The following ZFC3H1 variants were observed in gnomAD, a reference collection of about 807,000 sequenced individuals.
ZFC3H1 encodes zinc finger C3H1-type containing.
Under a neutral mutation model 243.7 loss-of-function variants are expected in ZFC3H1, and 71 were observed. That is an observed-to-expected ratio of 0.29 (90% confidence interval 0.24 to 0.36). The LOEUF (loss-of-function observed/expected upper bound fraction) is 0.36, where lower values mean the gene tolerates loss of function less well. Ranked by LOEUF, ZFC3H1 falls within the 10% of genes least tolerant of loss-of-function variation. ZFC3H1 has a pLI of 1.00. For synonymous variants in ZFC3H1, 838 were observed against 813.0 expected, an observed-to-expected ratio of 1.03 and a Z score of -0.52; for missense variants, 1,966 against 2,317.1, an observed-to-expected ratio of 0.85 and a Z score of 3.11.
Position 71,625,965 on chromosome 12 carries a change from CTG to C in ZFC3H1, c.4317+293_4317+294del, listed in dbSNP as rs200889164. Among the ~76,000 whole-genome samples, 737 of 152,194 alleles carry C rather than the reference CTG, an allele frequency of 4.8e-3. 3 individuals carry two copies. Among genetic ancestry groups the C allele is most frequent in the Middle Eastern group, 0.01 (3 of 294 alleles). The stretch of plus-strand genomic sequence containing the variant: ...ACACTTAACTTTGCCCAAACTAAAA[CTG>C]TGTAAAAATAGGTAAGTGTGAAATT... On this transcript the variant is annotated intron_variant, in intron 22 of 34. Coordinates refer to ENST00000378743, the MANE Select transcript of ZFC3H1 (RefSeq NM_144982.5).
chr12:71,657,279 T>C lies in ZFC3H1; in HGVS notation c.621A>G (p.Pro207=). 3.2e-6 allele frequency: 5 copies of C among 1,555,494 alleles called. No homozygotes were observed. Among genetic ancestry groups the C allele is most frequent in the Admixed American group, 2.0e-5 (1 of 49,184 alleles). The change falls in exon 2 of 35, where the codon CCA becomes CCG. Residue 207 remains proline, a synonymous_variant. Coordinates refer to ENST00000378743, the MANE Select transcript of ZFC3H1 (RefSeq NM_144982.5). ...TTGATGAATAATTTTGTTTTCTTGA[T>C]GGAGACCTTCCAAAACTTTTGGCTG... ...RKSSKSFGRS[P]SRKQNYSSKN... is the part of the protein sequence containing the mutation.
rs1210100396 is a variant in ZFC3H1, at chr12:71,657,008, C to T, written c.892G>A (p.Ala298Thr). Residue 298 changes from alanine (A) to threonine (T), a missense_variant, in exon 2 of 35, where the codon GCA becomes ACA. Physicochemically the swap from Ala to Thr is moderately conservative, Grantham distance 58. Around this residue, in one of 4 missense-constraint regions of ZFC3H1, gnomAD observed 484 missense variants for 449.7 expected, o/e 1.08. Coordinates refer to ENST00000378743, the MANE Select transcript of ZFC3H1 (RefSeq NM_144982.5). ...TGCCTGAGTGGTTTTAATTCAAATG[C>T]CTGAAAAGTTTTGACTTGTGTTTTC... ...EEKTQVKTFQAFELKPLRQKL... is the reference protein window; with the variant it reads ...EEKTQVKTFQTFELKPLRQKL... The T allele has an allele frequency of 5.6e-6, 9 of 1,613,802 alleles. No homozygotes were observed. Among genetic ancestry groups the T allele is most frequent in the Non-Finnish European group, 7.6e-6 (9 of 1,179,918 alleles).
chr12:71,641,054 C>T (rs1467180021), intron 6 of ZFC3H1, among the ~76,000 whole-genome samples: 2 of 151,886 alleles, frequency 1.3e-5, no homozygotes, highest in East Asian at 3.9e-4. Context: ...CCGCAGTTAA[C>T]GTGGCAAAAA....
intron 23 of ZFC3H1, 103 bp downstream of exon 23, chr12:71,624,001 C>A: frequency 8.2e-7 from 1 of 1,217,936 alleles, no homozygotes; most frequent in Non-Finnish European, 1.1e-6. Context: ...GGATTCAAAT[C>A]CAAATCTTGT....
In ZFC3H1 at chr12:71,642,029, T is replaced by C. The variant is rs146587328; in HGVS notation, c.1627+407A>G. Among the ~76,000 whole-genome samples the C allele has an allele frequency of 4.7e-3, 711 of 152,240 alleles. 1 individual carries two copies. Among genetic ancestry groups the C allele is most frequent in the African/African-American group, 0.016 (676 of 41,522 alleles). On this transcript the variant is annotated intron_variant, in intron 6 of 34. Transcript: ENST00000378743. ...CACACCCAGCGAATTTTTGTATTTT[T>C]AGTAGAGACAGGGTTTCGCCATGTC...
At chr12:71,623,967 A>T in intron 23 of ZFC3H1, 137 bp downstream of exon 23, 2 of 858,330 alleles carry the variant, frequency 2.3e-6, no homozygotes, top group South Asian at 4.1e-5. Context: ...ATGTCACATG[A>T]CTTACTAGTA....
intron 2 of ZFC3H1, among the ~76,000 whole-genome samples, chr12:71,650,783 C>T (rs1245678845): frequency 6.6e-6 from 1 of 152,058 alleles, no homozygotes; most frequent in Non-Finnish European, 1.5e-5. Context: ...AGAGTGATGC[C>T]TTAAAAATAT....
chr12:71,614,348 G>A (rs924610289), intron 30 of ZFC3H1, among the ~76,000 whole-genome samples, 187 bp downstream of exon 30: 3 of 151,794 alleles, frequency 2.0e-5, no homozygotes, highest in African/African-American at 7.3e-5. Flanking sequence ...CATTTTAATT[G>A]TGCCTTAAAG....
intron 33 of ZFC3H1, 88 bp from the exon 34 acceptor site, chr12:71,610,845 C>A: frequency 6.8e-7 from 1 of 1,465,550 alleles, no homozygotes; most frequent in South Asian, 1.2e-5. Flanking sequence ...TGGTAATTCA[C>A]AATAACATCT....
intron 20 of ZFC3H1, 118 bp downstream of exon 20, chr12:71,628,800 T>A (rs943300626): frequency 1.0e-5 from 12 of 1,164,702 alleles, no homozygotes; most frequent in South Asian, 9.8e-5. Flanking sequence ...GCATCGTTTT[T>A]AAAAAAAATT....
At chr12:71,642,391 T>C in intron 6 of ZFC3H1, 45 bp downstream of exon 6, 5 of 1,581,128 alleles carry the variant, frequency 3.2e-6, no homozygotes, top group South Asian at 1.2e-5. Flanking sequence ...CTATTCTCTA[T>C]TTAATACATG....
In ZFC3H1 at chr12:71,610,465, T is replaced by A; in HGVS notation, c.5933A>T (p.Asn1978Ile). ...GCTTTCTGTTTTGTTACTGTTTAAA[T>A]TTAAGAGCTCATTTAGGCTGACTCC... ...EIGVSLNELLNLNSNKTESKN... is the reference protein window; with the variant it reads ...EIGVSLNELLILNSNKTESKN... Residue 1978 changes from asparagine (N) to isoleucine (I), a missense_variant, in exon 35 of 35, where the codon AAT becomes ATT. Transcript: ENST00000378743. 3.1e-6 allele frequency: 5 copies of A among 1,613,590 alleles called. No individual in the cohort carries two copies. The highest frequency in any genetic ancestry group is 4.2e-6 in the Non-Finnish European group (5 of 1,179,596).
At chr12:71,657,656 G>A (rs1881055077) in intron 1 of ZFC3H1, among the ~76,000 whole-genome samples, 1 of 152,126 alleles carries the variant, frequency 6.6e-6, no homozygotes, top group Non-Finnish European at 1.5e-5. Flanking sequence ...TGAAGGAAGA[G>A]GGGAGAAACT....
intron 27 of ZFC3H1, among the ~76,000 whole-genome samples, chr12:71,616,173 C>A (rs1035662113): frequency 6.6e-6 from 1 of 152,052 alleles, no homozygotes; most frequent in African/African-American, 2.4e-5. Context: ...TGATGCACAC[C>A]TACAGTCCCA....
chr12:71,661,872 G>A (rs1437735531), intron 1 of ZFC3H1, among the ~76,000 whole-genome samples: 3 of 152,190 alleles, frequency 2.0e-5, no homozygotes, highest in Non-Finnish European at 4.4e-5. Context: ...AGCATCAGAA[G>A]CTGCTGTTTC....
chr12:71,649,836 A>G (rs1880834015), intron 2 of ZFC3H1, among the ~76,000 whole-genome samples: 1 of 152,220 alleles, frequency 6.6e-6, no homozygotes, highest in Non-Finnish European at 1.5e-5. Context: ...TTAACGTAGC[A>G]TAGAGGCAAG....
intron 27 of ZFC3H1, among the ~76,000 whole-genome samples, chr12:71,616,797 G>T (rs888506447): frequency 5.3e-5 from 8 of 152,128 alleles, no homozygotes; most frequent in Non-Finnish European, 1.5e-5. Context: ...ACATCTAGAA[G>T]TTAGGTTATC....
At position 71,626,229 on chromosome 12, in the gene ZFC3H1, C is replaced by CAA. The variant is rs773360275; in HGVS notation, c.4317+30_4317+31insTT. 4.7e-5 allele frequency: 75 copies of CAA among 1,607,680 alleles called. 1 individual carries two copies. The highest frequency in any genetic ancestry group is 1.9e-4 in the South Asian group (17 of 90,496). ...AATTATACACACACACACACACACA[C>CAA]ACACACACGTACGTTATCTTTTCTA... On this transcript the variant is annotated intron_variant, in intron 22 of 34. Coordinates refer to ENST00000378743, the MANE Select transcript of ZFC3H1 (RefSeq NM_144982.5).
At position 71,663,524 on chromosome 12, in the gene ZFC3H1, G is replaced by A. The variant is rs749792928; in HGVS notation, c.87C>T (p.Asp29=). ...TCCGTATCTGGCTGTTATTATCGTC[G>A]TCACTGATTTCCCCATCTTCAAGCT... is the stretch of plus-strand genomic sequence containing the variant. The part of the protein sequence containing the change: ...EGELEDGEIS[D]DDNNSQIRSR... Residue 29 remains aspartate (D), a synonymous_variant, in exon 1 of 35, where the codon GAC becomes GAT. Coordinates refer to ENST00000378743, the MANE Select transcript of ZFC3H1 (RefSeq NM_144982.5). 1.2e-6 allele frequency: 2 copies of A among 1,613,548 alleles called. No individual in the cohort carries two copies. The highest frequency in any genetic ancestry group is 2.2e-5 in the South Asian group (2 of 91,088).
Sources: gnomAD v4.1 joint callset for allele counts (sites outside exome capture counted in the v4.1 genomes callset) on GRCh38, gnomAD v4.1.1 for gene constraint, gnomAD v4.1.1 regional missense constraint, MANE v1.5 for transcripts, NCBI Gene and HGNC (gene_info 2026-07-23, HGNC 2026-07-21) for gene names.